The following GPR55 variants were observed in gnomAD, a reference collection of about 807,000 sequenced individuals.
GPR55 encodes the protein G-protein coupled receptor 55.
GPR55 carries 6 observed loss-of-function variants against 7.9 expected under a neutral mutation model. The observed-to-expected ratio is 0.76, with a 90% CI of 0.41 to 1.49. The LOEUF (loss-of-function observed/expected upper bound fraction) is 1.49, where lower values mean the gene tolerates loss of function less well. Among genes scored for constraint, GPR55 ranks in the 40% most tolerant of loss-of-function variants. The pLI, the probability that GPR55 is intolerant of heterozygous loss-of-function variation, is 0.01. For missense variants in GPR55, 376 were observed against 406.0 expected (o/e 0.93, Z 0.63); for synonymous variants, 183 against 166.8 (o/e 1.10, Z -0.75).
upstream of GPR55, among the ~76,000 whole-genome samples, chr2:230,926,490 G>A (rs1026154889): frequency 7.2e-5 from 11 of 152,054 alleles, no homozygotes; most frequent in East Asian, 1.9e-4. Flanking sequence ...CCCTGGGTGC[G>A]GGAGGAGGCC....
At chr2:230,939,245 A>T (rs746535019) in intron 1 of GPR55, among the ~76,000 whole-genome samples, 3 of 152,186 alleles carry the variant, frequency 2.0e-5, no homozygotes, top group Admixed American at 1.3e-4. Flanking sequence ...GAGCTGTGCC[A>T]TTGATCTCCT....
At chr2:230,945,671 C>A (rs1162479982) in intron 1 of GPR55, among the ~76,000 whole-genome samples, 1 of 152,218 alleles carries the variant, frequency 6.6e-6, no homozygotes, top group Non-Finnish European at 1.5e-5. Context: ...CTCCCGGGTT[C>A]ACGCCATTCT....
At chr2:230,947,589 G>A (rs1421209949) in intron 1 of GPR55, among the ~76,000 whole-genome samples, 1 of 148,426 alleles carries the variant, frequency 6.7e-6, no homozygotes, top group East Asian at 2.0e-4. Context: ...CTGCAGCCTC[G>A]ACATCCCAGG....
chr2:230,948,973 G>A (rs1001867085), intron 1 of GPR55, among the ~76,000 whole-genome samples: 1 of 152,178 alleles, frequency 6.6e-6, no homozygotes, highest in East Asian at 1.9e-4. Context: ...GGAGGCTGAG[G>A]TGGGAGGATA....
At chr2:230,946,121 A>G (rs746831113) in intron 1 of GPR55, among the ~76,000 whole-genome samples, 1 of 152,216 alleles carries the variant, frequency 6.6e-6, no homozygotes, top group Non-Finnish European at 1.5e-5. Context: ...AGAAAGACAC[A>G]TACTGCATGA....
At chr2:230,911,135 G>T (rs1373534046) in intron 1 of GPR55, 39 bp from the exon 2 acceptor site, 2 of 633,260 alleles carry the variant, frequency 3.2e-6, no homozygotes, top group African/African-American at 1.8e-5. Context: ...TAATCCTGCT[G>T]CCCAGATGCA....
chr2:230,948,992 CA>C (rs1386543336), intron 1 of GPR55, among the ~76,000 whole-genome samples: 2 of 152,158 alleles, frequency 1.3e-5, no homozygotes, highest in Non-Finnish European at 2.9e-5. Flanking sequence ...TAATCTGAGC[CA>C]GGGGGGTCAA....
At chr2:230,934,800 G>A (rs773298963) in intron 1 of GPR55, among the ~76,000 whole-genome samples, 1 of 152,146 alleles carries the variant, frequency 6.6e-6, no homozygotes, top group Non-Finnish European at 1.5e-5. Flanking sequence ...AGAGTGAAGA[G>A]CCGTCACTGC....
intron 1 of GPR55, among the ~76,000 whole-genome samples, chr2:230,939,294 C>A (rs1300136176): frequency 6.6e-6 from 1 of 152,202 alleles, no homozygotes; most frequent in Non-Finnish European, 1.5e-5. Context: ...CCGCAGTCAA[C>A]CCTGTCTGAG....
At chr2:230,957,564 T>A (rs1691510795) in intron 1 of GPR55, 2 of 395,556 alleles carry the variant, frequency 5.1e-6, no homozygotes, top group East Asian at 1.4e-4. Flanking sequence ...CCGGCGGTGC[T>A]GGGCGGGTGG....
At chr2:230,931,210 C>T (rs942849053) in intron 1 of GPR55, among the ~76,000 whole-genome samples, 3 of 152,228 alleles carry the variant, frequency 2.0e-5, no homozygotes, top group African/African-American at 7.2e-5. Flanking sequence ...CAAGTCCTCC[C>T]GACTCTTCAA....
In GPR55 at chr2:230,944,724, T is replaced by C. The variant is rs1691284848; in HGVS notation, c.-135+16051A>G. ...ACCCCGTAAATACAGACACCTACTA[T>C]GTACCAGAAAAATTAAAAATAAAAA... On this transcript the variant is annotated intron_variant, in intron 1 of 1. Coordinates refer to the GPR55 transcript ENST00000392039. The surrounding 1 kb of genome is among the most constrained non-coding windows in gnomAD (Gnocchi z 4.2). Among the ~76,000 whole-genome samples, 1 of 152,298 alleles carries C rather than the reference T, an allele frequency of 6.6e-6. No homozygotes were observed.
rs866256210 is a variant in GPR55, at chr2:230,907,834, C to A, written c.*2169G>T. 1 of 152,234 alleles carries A rather than the reference C, an allele frequency of 6.6e-6. No homozygotes were observed. Among genetic ancestry groups the A allele is most frequent in the Non-Finnish European group, 1.5e-5 (1 of 68,064 alleles). The allele number at this position is 152,234 out of a possible 1,614,324, so 9.4% of individuals were successfully genotyped here. On this transcript the variant is annotated 3_prime_UTR_variant, in exon 2 of 2. Transcript: ENST00000650999. ...ATGATAGTTGGTTAGGTCCACCCAC[C>A]CTTGTCTCTTAGGAAGCCCATCTGG...
chr2:230,922,955 C>G (rs1690873375), intron 1 of GPR55, among the ~76,000 whole-genome samples: 1 of 152,220 alleles, frequency 6.6e-6, no homozygotes, highest in Non-Finnish European at 1.5e-5. Flanking sequence ...CCTCTTGCCT[C>G]TGCCTCCCAA....
Position 230,910,052 on chromosome 2 carries a change from G to A in GPR55, c.911C>T (p.Pro304Leu). 1 of 1,614,104 alleles carries A rather than the reference G, an allele frequency of 6.2e-7. No individual in the cohort carries two copies. Among genetic ancestry groups the A allele is most frequent in the Non-Finnish European group, 8.5e-7 (1 of 1,179,984 alleles). The change falls in exon 2 of 2, where the codon CCT (proline) becomes CTT (leucine). Residue 304 changes from proline (P) to leucine (L), a missense_variant. By Grantham distance (98) the Pro-to-Leu change is moderately conservative. Coordinates refer to ENST00000650999, the MANE Select transcript of GPR55 (RefSeq NM_005683.4). The surrounding 1 kb of genome is among the most constrained non-coding windows in gnomAD (Gnocchi z 5.4). ...CTGCAGGACCAGCTGGACCCTGGAA[G>A]GCCGGTGGGCCCTGATGTTCATGCG... ...EFRMNIRAHR[P>L]SRVQLVLQDT... is the part of the protein sequence containing the mutation.
In GPR55 at chr2:230,947,058, T is replaced by C. The variant is rs577710984; in HGVS notation, c.-135+13717A>G. Among the ~76,000 whole-genome samples the C allele has an allele frequency of 2.7e-3, 410 of 152,354 alleles. 1 individual carries two copies. The highest frequency in any genetic ancestry group is 9.2e-3 in the African/African-American group (382 of 41,582). ...AGTGTATTCAACTTTCTGACGGCCC[T>C]GTCACATTGGCCACACCACAGACCC... On this transcript the variant is annotated intron_variant, in intron 1 of 1. Coordinates refer to the GPR55 transcript ENST00000392039.
At chr2:230,934,751 G>T (rs1013551923) in intron 1 of GPR55, among the ~76,000 whole-genome samples, 3 of 152,048 alleles carry the variant, frequency 2.0e-5, no homozygotes, top group African/African-American at 7.2e-5. Context: ...ACTCCTGGGG[G>T]GACTCTGGAC....
At chr2:230,959,680 T>G (rs1311985919) in intron 1 of GPR55, among the ~76,000 whole-genome samples, 1 of 150,850 alleles carries the variant, frequency 6.6e-6, no homozygotes, top group African/African-American at 2.4e-5. Flanking sequence ...TTTTTTTTTG[T>G]ATGCACAGAA....
chr2:230,951,104 C>T (rs1691395707), intron 1 of GPR55, among the ~76,000 whole-genome samples: 1 of 152,080 alleles, frequency 6.6e-6, no homozygotes, highest in African/African-American at 2.4e-5. Context: ...TGATCAAACC[C>T]AAAGAGGGCG....
Sources: allele counts gnomAD v4.1 joint callset (sites outside exome capture counted in the v4.1 genomes callset), GRCh38; gene constraint gnomAD v4.1.1; non-coding constraint Gnocchi (gnomAD v3.1); transcripts MANE v1.5; gene names NCBI Gene and HGNC (gene_info 2026-07-23, HGNC 2026-07-21).